Variants in RFC3 observed in about 807,000 individuals in gnomAD.
RFC3 encodes A1 38 kDa subunit.
A neutral mutation model predicts 45.1 loss-of-function variants in RFC3; 41 were observed. That is an observed-to-expected ratio of 0.91 (90% CI 0.71 to 1.18). RFC3 has a LOEUF of 1.18. Among genes scored for constraint, RFC3 ranks in the 50% most tolerant of loss-of-function variants. The probability of loss-of-function intolerance (pLI) is 0.00; values close to 1 mark genes in which losing one functional copy is unlikely to be tolerated. For synonymous variants in RFC3, 149 were observed against 144.0 expected (o/e 1.03, Z -0.25); for missense variants, 423 against 428.1 (o/e 0.99, Z 0.10).
At chr13:33,881,720 G>T (rs578101942) in intron 8 of RFC3, among the ~76,000 whole-genome samples, 2 of 151,930 alleles carry the variant, frequency 1.3e-5, no homozygotes, top group African/African-American at 2.4e-5. Flanking sequence ...ACCCTCCATG[G>T]CTCCAGTTCT....
intron 8 of RFC3, among the ~76,000 whole-genome samples, chr13:33,869,122 G>C (rs1292524621): frequency 6.6e-6 from 1 of 152,206 alleles, no homozygotes; most frequent in African/African-American, 2.4e-5. Flanking sequence ...GTGGCTTCCT[G>C]ACAAAATGTG....
chr13:33,943,855 T>A (rs535887720), intron 8 of RFC3, among the ~76,000 whole-genome samples: 9 of 152,304 alleles, frequency 5.9e-5, no homozygotes, highest in African/African-American at 1.9e-4. Context: ...ATTGTATTGG[T>A]TAGAAGCAAA....
chr13:33,870,720 G>C (rs931139526), intron 8 of RFC3, among the ~76,000 whole-genome samples: 2 of 152,072 alleles, frequency 1.3e-5, no homozygotes, highest in Non-Finnish European at 1.5e-5. Context: ...ACCTACCTAA[G>C]GTAGGACCAT....
chr13:33,940,545 A>G (rs147516839), intron 8 of RFC3, among the ~76,000 whole-genome samples: 7 of 152,344 alleles, frequency 4.6e-5, no homozygotes, highest in African/African-American at 1.7e-4. Flanking sequence ...AAGTGTGTCA[A>G]GTATGTTCAT....
intron 8 of RFC3, among the ~76,000 whole-genome samples, chr13:33,910,999 AC>A (rs2082701003): frequency 6.6e-6 from 1 of 151,926 alleles, no homozygotes; most frequent in Non-Finnish European, 1.5e-5. Flanking sequence ...CTCTCACCAC[AC>A]CCCACCTCCA....
At chr13:33,888,496 C>T (rs2082541590) in intron 8 of RFC3, among the ~76,000 whole-genome samples, 2 of 152,112 alleles carry the variant, frequency 1.3e-5, no homozygotes, top group African/African-American at 4.8e-5. Flanking sequence ...AGTGCGGAAG[C>T]CGAGTAGCCA....
chr13:33,857,354 A>G (rs558994904), intron 8 of RFC3, among the ~76,000 whole-genome samples: 40 of 152,312 alleles, frequency 2.6e-4, no homozygotes, highest in Admixed American at 9.2e-4. Flanking sequence ...CAAAGCTGAC[A>G]TATGGAATGT....
At chr13:33,840,343 G>T (rs1298672723), downstream of RFC3, among the ~76,000 whole-genome samples, 1 of 151,922 alleles carries the variant, frequency 6.6e-6, no homozygotes, top group East Asian at 1.9e-4. Flanking sequence ...TTCATTTGCT[G>T]CTTTTTTATA....
intron 8 of RFC3, chr13:33,847,560 T>G (rs974777318): frequency 7.9e-5 from 12 of 152,252 alleles, no homozygotes; most frequent in Admixed American, 7.9e-4. Context: ...TCTCATTGTT[T>G]TATAAATATG....
At chr13:33,970,166 A>AT (rs1489918621), downstream of RFC3, among the ~76,000 whole-genome samples, 2 of 152,268 alleles carry the variant, frequency 1.3e-5, no homozygotes, top group East Asian at 3.9e-4. Flanking sequence ...ACTATCATTC[A>AT]TAAGTGAGAA....
intron 8 of RFC3, among the ~76,000 whole-genome samples, chr13:33,949,595 G>A (rs10467361): frequency 0.01 from 1,557 of 152,284 alleles, 31 homozygotes; most frequent in African/African-American, 0.036. Flanking sequence ...TGATTGTACT[G>A]TGGTGTGCAG....
chr13:33,839,976 T>C (rs75075091), downstream of RFC3, among the ~76,000 whole-genome samples: 1 of 152,212 alleles, frequency 6.6e-6, no homozygotes, highest in Admixed American at 6.5e-5. Context: ...TGAAGAGAGA[T>C]ATGTAGTCAT....
the RFC3 span, among the ~76,000 whole-genome samples, chr13:33,972,884 T>C: frequency 7.2e-5 from 11 of 152,134 alleles, no homozygotes; most frequent in African/African-American, 2.7e-4. Context: ...AAAGAGTGCA[T>C]GAAATAGAAA....
the RFC3 span, among the ~76,000 whole-genome samples, chr13:33,973,489 C>T: frequency 6.6e-6 from 1 of 152,050 alleles, no homozygotes; most frequent in South Asian, 2.1e-4. Context: ...TACCTAGCAA[C>T]GAGTGAGGCT....
At chr13:33,835,904 C>T (rs1285470772) in intron 8 of RFC3, among the ~76,000 whole-genome samples, 200 bp from the exon 9 acceptor site, 1 of 152,044 alleles carries the variant, frequency 6.6e-6, no homozygotes, top group African/African-American at 2.4e-5. Flanking sequence ...GTGGTTGATA[C>T]CCACCACATT....
intron 1 of RFC3, among the ~76,000 whole-genome samples, chr13:33,820,331 C>T (rs1437448109): frequency 6.6e-6 from 1 of 152,228 alleles, no homozygotes; most frequent in Non-Finnish European, 1.5e-5. Flanking sequence ...CTCTGTGACA[C>T]CCATAGTAGA....
chr13:33,918,707 G>A (rs1309892731), intron 8 of RFC3, among the ~76,000 whole-genome samples: 2 of 152,030 alleles, frequency 1.3e-5, no homozygotes, highest in African/African-American at 2.4e-5. Context: ...GACAAAAACC[G>A]CCCGACAGGA....
intron 8 of RFC3, among the ~76,000 whole-genome samples, chr13:33,950,243 T>C (rs1293490543): frequency 2.6e-5 from 4 of 152,178 alleles, no homozygotes; most frequent in African/African-American, 4.8e-5. Context: ...TCAGGGATGT[T>C]CTTAAATAAA....
intron 8 of RFC3, among the ~76,000 whole-genome samples, chr13:33,917,162 G>A (rs576410727): frequency 1.3e-5 from 2 of 152,248 alleles, no homozygotes; most frequent in Admixed American, 6.5e-5. Flanking sequence ...GCCTTGAGTC[G>A]TAAGACACTA....
Sources: gnomAD v4.1 joint callset for allele counts (sites outside exome capture counted in the v4.1 genomes callset) on GRCh38, gnomAD v4.1.1 for gene constraint, MANE v1.5 for transcripts, NCBI Gene and HGNC (gene_info 2026-07-23, HGNC 2026-07-21) for gene names.